The following MAD2L1BP variants were observed in gnomAD, a reference collection of about 807,000 sequenced individuals.
The protein encoded by MAD2L1BP is MAD2L1-binding protein.
Under a neutral mutation model 28.4 loss-of-function variants are expected in MAD2L1BP, and 22 were observed. That is an observed-to-expected ratio of 0.77 (90% CI 0.55 to 1.10). The LOEUF is 1.10. MAD2L1BP is among the 50% of genes least tolerant of loss of function. The pLI, the probability that MAD2L1BP is intolerant of heterozygous loss-of-function variation, is 0.00. For synonymous variants in MAD2L1BP, 146 were observed against 133.7 expected (o/e 1.09, Z -0.63); for missense variants, 325 against 350.5 (o/e 0.93, Z 0.58).
At chr6:43,637,253 C>CG (rs1391798838) in intron 2 of MAD2L1BP, among the ~76,000 whole-genome samples, 1 of 150,954 alleles carries the variant, frequency 6.6e-6, no homozygotes. Context: ...TTGGTAGAGA[C>CG]GGGGTTTCAC....
upstream of MAD2L1BP, among the ~76,000 whole-genome samples, chr6:43,630,956 C>T (rs1769893649): frequency 1.3e-5 from 2 of 149,184 alleles, no homozygotes; most frequent in South Asian, 4.3e-4. Context: ...TTAAGCAACT[C>T]TTCTCTCCAG....
At chr6:43,638,795 CA>C (rs113277792) in intron 2 of MAD2L1BP, among the ~76,000 whole-genome samples, 2,426 of 126,782 alleles carry the variant, frequency 0.019, 52 homozygotes, top group African/African-American at 0.056. Context: ...AACTCTGTCT[CA>C]AAAAAAAAAA....
intron 1 of MAD2L1BP, chr6:43,629,901 T>C (rs1769790121): frequency 8.4e-7 from 1 of 1,190,118 alleles, no homozygotes; most frequent in Non-Finnish European, 1.1e-6. Flanking sequence ...GTCCAGGGGC[T>C]GGTTTTAATA....
chr6:43,640,651 CCT>C lies in MAD2L1BP; in HGVS notation c.*119_*120del. On this transcript the variant is annotated 3_prime_UTR_variant, in exon 3 of 3. Transcript: ENST00000372171. ...TCCTGGTGAGAGAGGAAGCAACTCT[CCT>C]TCTGGTTGTCTGCCTCCCCTCAGAT... The C allele has an allele frequency of 9.1e-7, 1 of 1,095,722 alleles. No individual in the cohort carries two copies. The highest frequency in any genetic ancestry group is 1.3e-6 in the Non-Finnish European group (1 of 787,922). The allele number at this position is 1,095,722 out of a possible 1,614,324, so 67.9% of individuals were successfully genotyped here.
At chr6:43,632,080 G>A (rs192322238), upstream of MAD2L1BP, among the ~76,000 whole-genome samples, 314 of 152,014 alleles carry the variant, frequency 2.1e-3, 2 homozygotes, top group African/African-American at 7.1e-3. Flanking sequence ...TGTGTTTTTA[G>A]TAGAGACGGT....
upstream of MAD2L1BP, among the ~76,000 whole-genome samples, chr6:43,631,875 T>C (rs1319254800): frequency 6.6e-6 from 1 of 152,144 alleles, no homozygotes; most frequent in Non-Finnish European, 1.5e-5. Context: ...GGCAGAGGGA[T>C]TGCTTGAGTC....
At chr6:43,634,634 C>A (rs1159962793), upstream of MAD2L1BP, among the ~76,000 whole-genome samples, 1 of 152,060 alleles carries the variant, frequency 6.6e-6, no homozygotes, top group Non-Finnish European at 1.5e-5. Flanking sequence ...GATCTCAGCT[C>A]ACTGCAACCT....
chr6:43,639,729 T>G lies in MAD2L1BP; in HGVS notation c.313-292T>G, dbSNP rs61173177. 7.0e-3 allele frequency among the ~76,000 whole-genome samples: 1,073 copies of G among 152,356 alleles called. 8 individuals carry two copies. The highest frequency in any genetic ancestry group is 0.025 in the African/African-American group (1,023 of 41,584). On this transcript the variant is annotated intron_variant, in intron 2 of 2. Coordinates refer to ENST00000372171, the MANE Select transcript of MAD2L1BP (RefSeq NM_014628.3). ...CCATACAGCAAAAATTTGTTGTCAC[T>G]TTGTCATGTCACCAAATTTCTATTT... is the stretch of plus-strand genomic sequence containing the variant.
At chr6:43,637,918 G>T (rs1286805574) in intron 2 of MAD2L1BP, among the ~76,000 whole-genome samples, 1 of 144,796 alleles carries the variant, frequency 6.9e-6, no homozygotes, top group Admixed American at 7.0e-5. Flanking sequence ...CTTTTTTTGA[G>T]AAGGAGTCTC....
upstream of MAD2L1BP, chr6:43,635,760 G>A (rs1464417716): frequency 1.8e-6 from 2 of 1,083,998 alleles, no homozygotes; most frequent in Middle Eastern, 6.3e-4. Flanking sequence ...CCCACACTGC[G>A]GCGACGCCGC....
chr6:43,637,083 A>G (rs1003011798), intron 2 of MAD2L1BP, among the ~76,000 whole-genome samples: 1 of 150,800 alleles, frequency 6.6e-6, no homozygotes, highest in African/African-American at 2.5e-5. Flanking sequence ...TTATGTTTTG[A>G]GACAGAGTCT....
intron 1 of MAD2L1BP, among the ~76,000 whole-genome samples, chr6:43,630,637 C>A (rs1271187408): frequency 1.3e-5 from 2 of 151,472 alleles, no homozygotes; most frequent in African/African-American, 4.9e-5. Flanking sequence ...CGGCTGCTCG[C>A]GAGGCTGAGG....
chr6:43,632,195 C>T (rs147996314), upstream of MAD2L1BP, among the ~76,000 whole-genome samples: 347 of 151,496 alleles, frequency 2.3e-3, 1 homozygote, highest in Admixed American at 7.0e-3. Flanking sequence ...CCACCGTGCC[C>T]GGCCCTGTTT....
At chr6:43,637,646 T>A (rs1044953434) in intron 2 of MAD2L1BP, among the ~76,000 whole-genome samples, 5 of 152,196 alleles carry the variant, frequency 3.3e-5, no homozygotes, top group African/African-American at 9.7e-5. Flanking sequence ...TCACCCAGGC[T>A]GGAGTGCAGT....
exon 1 of MAD2L1BP, chr6:43,629,577 C>T (rs189363599): frequency 1.1e-5 from 8 of 709,206 alleles, no homozygotes; most frequent in South Asian, 1.1e-4. Context: ...GGTGGGGACG[C>T]GAGGACACCA....
chr6:43,640,068 C>CA lies in MAD2L1BP; in HGVS notation c.361dup (p.Ser121LysfsTer46). 6.3e-7 allele frequency: 1 copy of CA among 1,574,916 alleles called. No homozygotes were observed. The highest frequency in any genetic ancestry group is 1.2e-5 in the South Asian group (1 of 85,516). On this transcript the variant is annotated frameshift_variant, in exon 3 of 3. Transcript: ENST00000372171. LOFTEE classifies it high-confidence loss of function. ...AACCTCGGGCCACCACTGAGGTGAG[C>CA]AGCAGGAAATGCCAACAAGCCCTGG...
At chr6:43,637,623 G>A (rs1469669343) in intron 2 of MAD2L1BP, among the ~76,000 whole-genome samples, 1 of 151,414 alleles carries the variant, frequency 6.6e-6, no homozygotes, top group Non-Finnish European at 1.5e-5. Flanking sequence ...TTTTGATAGG[G>A]AGTTTCACTC....
chr6:43,630,220 G>C (rs1177470689), intron 1 of MAD2L1BP, among the ~76,000 whole-genome samples: 1 of 152,332 alleles, frequency 6.6e-6, no homozygotes, highest in Admixed American at 6.5e-5. Flanking sequence ...GCAATCTCCA[G>C]CTCTTTAGTG....
upstream of MAD2L1BP, among the ~76,000 whole-genome samples, chr6:43,635,354 C>G (rs932223617): frequency 1.3e-5 from 2 of 152,238 alleles, no homozygotes; most frequent in Non-Finnish European, 2.9e-5. Flanking sequence ...CTACAGGTCA[C>G]AGCTTCACAC....
Sources: gnomAD v4.1 joint callset for allele counts (sites outside exome capture counted in the v4.1 genomes callset) on GRCh38, gnomAD v4.1.1 for gene constraint, MANE v1.5 for transcripts, NCBI Gene and HGNC (gene_info 2026-07-23, HGNC 2026-07-21) for gene names.